Variants in SPATA13 observed in about 807,000 individuals in gnomAD.
The protein encoded by SPATA13 is spermatogenesis-associated protein 13.
Under a neutral mutation model 104.0 loss-of-function variants are expected in SPATA13, and 50 were observed. The observed-to-expected ratio is 0.48, with a 90% CI of 0.38 to 0.61. The LOEUF (loss-of-function observed/expected upper bound fraction) is 0.61, where lower values mean the gene tolerates loss of function less well. SPATA13 is among the 20% of genes least tolerant of loss of function. SPATA13 has a pLI of 0.00. For synonymous variants in SPATA13, 606 were observed against 667.5 expected, an observed-to-expected ratio of 0.91 and a Z score of 1.42; for missense variants, 1,524 against 1,690.6, an observed-to-expected ratio of 0.90 and a Z score of 1.73.
At chr13:24,137,978 A>AT (rs1285357514) in intron 3 of SPATA13, among the ~76,000 whole-genome samples, 1 of 152,132 alleles carries the variant, frequency 6.6e-6, no homozygotes, top group Non-Finnish European at 1.5e-5. Flanking sequence ...CATCTTTTGA[A>AT]TCTGGTCAGT....
In SPATA13 at chr13:24,093,525, G is replaced by C. The variant is rs146321768; in HGVS notation, c.-112+75824G>C. ...AGATGCAAAGTTCAGGCACGTTTCTGATACACCCCAAAAACAGCTGGAAAG... is the reference window on the plus strand; with the variant it reads ...AGATGCAAAGTTCAGGCACGTTTCTCATACACCCCAAAAACAGCTGGAAAG... On this transcript the variant is annotated intron_variant, in intron 3 of 14. Transcript: ENST00000424834. 5.3e-3 allele frequency among the ~76,000 whole-genome samples: 803 copies of C among 152,212 alleles called. 6 individuals carry two copies. The highest frequency in any genetic ancestry group is 0.018 in the African/African-American group (765 of 41,526).
Position 24,255,203 on chromosome 13 carries a change from C to T in SPATA13, c.2164+3341C>T, listed in dbSNP as rs111880392. Among the ~76,000 whole-genome samples, 887 of 152,308 alleles carry T rather than the reference C, an allele frequency of 5.8e-3. 19 individuals are homozygous for T. The South Asian group carries it at 0.068, about 12-fold the overall frequency. ...CGGGAGTTTCCCTGTCCTGAGGACA[C>T]AGTCACCAGGCTGATGGTAGGAGTT... On this transcript the variant is annotated intron_variant, in intron 4 of 12. Coordinates refer to ENST00000382108, the MANE Select transcript of SPATA13 (RefSeq NM_001166271.3).
At chr13:24,242,542 C>T (rs541079576) in intron 2 of SPATA13, among the ~76,000 whole-genome samples, 18 of 152,330 alleles carry the variant, frequency 1.2e-4, no homozygotes, top group African/African-American at 4.3e-4. Context: ...TTAACTATCT[C>T]GCTTGCTCTT....
At chr13:24,118,168 T>C (rs7981327) in intron 3 of SPATA13, among the ~76,000 whole-genome samples, 149,485 of 152,268 alleles carry the variant, frequency 0.98, 73,430 homozygotes, top group Middle Eastern at 1. Flanking sequence ...AGACCACCAC[T>C]GCAGAAGCCA....
upstream of SPATA13, among the ~76,000 whole-genome samples, chr13:24,159,364 G>A (rs900512213): frequency 8.5e-5 from 13 of 152,048 alleles, no homozygotes; most frequent in Admixed American, 2.0e-4. Context: ...AATAAAATTT[G>A]CCCATATTTC....
At chr13:23,980,260 A>T (rs1874819285) in intron 1 of SPATA13, among the ~76,000 whole-genome samples, 1 of 152,064 alleles carries the variant, frequency 6.6e-6, no homozygotes, top group Non-Finnish European at 1.5e-5. Flanking sequence ...GCGCCGGGGC[A>T]GTAGTTGCAC....
intron 1 of SPATA13, among the ~76,000 whole-genome samples, chr13:24,218,023 CATG>C (rs1871353025): frequency 6.6e-6 from 1 of 152,218 alleles, no homozygotes; most frequent in African/African-American, 2.4e-5. Flanking sequence ...CTCGCAAAGG[CATG>C]GTGGTGTGAG....
At chr13:24,231,153 G>C (rs1326941282) in intron 2 of SPATA13, among the ~76,000 whole-genome samples, 1 of 152,072 alleles carries the variant, frequency 6.6e-6, no homozygotes, top group Non-Finnish European at 1.5e-5. Context: ...CTTTTATTAA[G>C]CGAACAATTC....
intron 2 of SPATA13, among the ~76,000 whole-genome samples, chr13:24,245,608 T>TA (rs1555272013): frequency 6.1e-5 from 8 of 131,416 alleles, no homozygotes; most frequent in African/African-American, 1.9e-4. Flanking sequence ...TTTTTTTTTT[T>TA]AGACAACAGG....
intron 1 of SPATA13, among the ~76,000 whole-genome samples, chr13:24,215,038 A>G (rs1463901193): frequency 6.6e-6 from 1 of 152,172 alleles, no homozygotes; most frequent in African/African-American, 2.4e-5. Context: ...TGTGTTGGTT[A>G]TGTTCGAGCA....
intron 3 of SPATA13, among the ~76,000 whole-genome samples, chr13:24,045,803 C>T (rs914924851): frequency 1.3e-5 from 2 of 152,184 alleles, no homozygotes; most frequent in Non-Finnish European, 1.5e-5. Flanking sequence ...TGCAGGCTCT[C>T]GGCCTACCAG....
intron 3 of SPATA13, among the ~76,000 whole-genome samples, chr13:24,093,010 T>G (rs1566100563): frequency 6.6e-6 from 1 of 152,252 alleles, no homozygotes; most frequent in Non-Finnish European, 1.5e-5. Context: ...ATGATTAATC[T>G]TATTTTCCAG....
At chr13:24,184,648 A>G (rs1869032717) in intron 1 of SPATA13, among the ~76,000 whole-genome samples, 1 of 152,150 alleles carries the variant, frequency 6.6e-6, no homozygotes, top group Admixed American at 6.5e-5. Flanking sequence ...AATCACAGTG[A>G]GGAGTTTTGT....
intron 3 of SPATA13, among the ~76,000 whole-genome samples, chr13:24,089,188 T>G (rs1471015251): frequency 6.6e-6 from 1 of 152,156 alleles, no homozygotes; most frequent in Non-Finnish European, 1.5e-5. Flanking sequence ...CCTGGTGTCT[T>G]GCATTTCCCC....
chr13:24,080,931 G>A (rs907759018), intron 3 of SPATA13, among the ~76,000 whole-genome samples: 7 of 152,104 alleles, frequency 4.6e-5, no homozygotes, highest in Non-Finnish European at 2.9e-5. Context: ...TCACCTCCTG[G>A]AAACACACGT....
chr13:24,081,358 A>G (rs1879509239), intron 3 of SPATA13, among the ~76,000 whole-genome samples: 1 of 151,940 alleles, frequency 6.6e-6, no homozygotes, highest in Non-Finnish European at 1.5e-5. Context: ...CCACTTCTTT[A>G]TACTCCCCAC....
At chr13:23,993,881 C>T (rs1875537055) in intron 2 of SPATA13, among the ~76,000 whole-genome samples, 1 of 151,774 alleles carries the variant, frequency 6.6e-6, no homozygotes, top group African/African-American at 2.4e-5. Context: ...ATTAAATTTG[C>T]TTATGTTCAA....
At chr13:24,285,568 A>C (rs111732630) in intron 5 of SPATA13, among the ~76,000 whole-genome samples, 2 of 143,412 alleles carry the variant, frequency 1.4e-5, no homozygotes, top group African/African-American at 5.1e-5. Context: ...CCCAGGCTGG[A>C]GTGCAGTGAT....
intron 2 of SPATA13, among the ~76,000 whole-genome samples, chr13:23,990,617 G>T (rs1875367477): frequency 6.6e-6 from 1 of 152,144 alleles, no homozygotes; most frequent in South Asian, 2.1e-4. Context: ...ATTCTTCTCA[G>T]ATCCAGCATG....
Sources: allele counts gnomAD v4.1 joint callset (sites outside exome capture counted in the v4.1 genomes callset), GRCh38; gene constraint gnomAD v4.1.1; transcripts MANE v1.5; gene names NCBI Gene and HGNC (gene_info 2026-07-23, HGNC 2026-07-21).